ITGB8: variants seen among roughly 807,000 people sequenced by gnomAD.
ITGB8 encodes integrin subunit beta 8.
Under a neutral mutation model 89.5 loss-of-function variants are expected in ITGB8, and 30 were observed. The observed-to-expected ratio is 0.34, with a 90% CI of 0.25 to 0.45. ITGB8 has a LOEUF of 0.45. Among genes scored for constraint, ITGB8 ranks in the 20% least tolerant of loss-of-function variants. The pLI is 1.00. For synonymous variants in ITGB8, 335 were observed against 320.4 expected (o/e 1.05, Z -0.49); for missense variants, 836 against 933.3 (o/e 0.90, Z 1.36).
At chr7:20,356,734 A>G (rs1397868961) in intron 1 of ITGB8, among the ~76,000 whole-genome samples, 1 of 152,188 alleles carries the variant, frequency 6.6e-6, no homozygotes, top group African/African-American at 2.4e-5. Context: ...CCAGATAACC[A>G]TGAACATCCT....
intron 1 of ITGB8, among the ~76,000 whole-genome samples, chr7:20,353,881 G>A (rs1282252424): frequency 1.1e-4 from 13 of 116,858 alleles, no homozygotes; most frequent in Non-Finnish European, 1.7e-4. Flanking sequence ...GCAGTGAGCC[G>A]AGATCGCGCC....
At chr7:20,366,489 G>T (rs1262130173) in intron 2 of ITGB8, 1 of 152,404 alleles carries the variant, frequency 6.6e-6, no homozygotes, top group Non-Finnish European at 1.5e-5. Flanking sequence ...ACCAGGTCAG[G>T]CGCAGTGGCT....
intron 1 of ITGB8, among the ~76,000 whole-genome samples, chr7:20,340,192 A>C (rs912213386): frequency 2.6e-5 from 4 of 152,198 alleles, no homozygotes; most frequent in African/African-American, 9.6e-5. Context: ...CTTTGTTGTA[A>C]TCAAATAATA....
chr7:20,388,453 G>A (rs977985530), intron 6 of ITGB8, among the ~76,000 whole-genome samples: 9 of 152,038 alleles, frequency 5.9e-5, no homozygotes, highest in African/African-American at 2.2e-4. Context: ...AAGGGGAAGG[G>A]GCTTAGGCAA....
At chr7:20,407,801 A>G (rs776864269) in intron 12 of ITGB8, among the ~76,000 whole-genome samples, 9 of 152,366 alleles carry the variant, frequency 5.9e-5, no homozygotes, top group Non-Finnish European at 8.8e-5. Context: ...CTCCTTAGGA[A>G]AAGCCCCGGC....
chr7:20,415,468 T>C lies in ITGB8; in HGVS notation c.*5471T>C, dbSNP rs1009159263. 1 of 152,472 alleles carries C rather than the reference T, an allele frequency of 6.6e-6. No individual in the cohort carries two copies. The highest frequency in any genetic ancestry group is 1.5e-5 in the Non-Finnish European group (1 of 67,936). The allele number at this position is 152,472 out of a possible 1,614,324, so 9.4% of individuals were successfully genotyped here. A position where few individuals can be genotyped will look rare whatever the true frequency, so the allele number is the denominator to read the frequency against. ...ACATATTTCTTATTATTTCTGGCTT[T>C]GAATTATACGTAACTTAAATTGTCT... On this transcript the variant is annotated 3_prime_UTR_variant, in exon 14 of 14. Transcript: ENST00000222573.
At chr7:20,349,200 T>C (rs1785030688) in intron 1 of ITGB8, among the ~76,000 whole-genome samples, 1 of 152,080 alleles carries the variant, frequency 6.6e-6, no homozygotes, top group South Asian at 2.1e-4. Context: ...AAGTGAATTT[T>C]AGAAAAGACA....
In ITGB8 at chr7:20,411,008, A is replaced by AT. The variant is rs1787740837; in HGVS notation, c.*1017dup. ...ATTTTGATTGCAAGTAGATATCAGCATTTTTTAAATGAAAAGCTATATTAT... is the reference window on the plus strand; with the variant it reads ...ATTTTGATTGCAAGTAGATATCAGCATTTTTTTAAATGAAAAGCTATATTAT... On this transcript the variant is annotated 3_prime_UTR_variant, in exon 14 of 14. Transcript: ENST00000222573. The AT allele has an allele frequency of 6.6e-6, 1 of 152,212 alleles. No homozygotes were observed. The highest frequency in any genetic ancestry group is 2.4e-5 in the African/African-American group (1 of 41,438). 9.4% of individuals were successfully genotyped at this position (152,212 alleles called of 1,614,324 possible). A position where few individuals can be genotyped will look rare whatever the true frequency, so the allele number is the denominator to read the frequency against.
At chr7:20,336,000 CTTTTTTTTT>C (rs201113693) in intron 1 of ITGB8, among the ~76,000 whole-genome samples, 2 of 96,390 alleles carry the variant, frequency 2.1e-5, no homozygotes, top group East Asian at 2.5e-4. Context: ...TCTTGGTTTT[CTTTTTTTTT>C]TTTTTTTTTT....
chr7:20,346,927 G>A (rs920762493), intron 1 of ITGB8: 1 of 844,446 alleles, frequency 1.2e-6, no homozygotes, highest in Non-Finnish European at 1.4e-6. Context: ...AAATTCATGT[G>A]TTGAAATCTA....
chr7:20,400,978 T>A (rs1455295774), intron 9 of ITGB8, among the ~76,000 whole-genome samples: 1 of 152,024 alleles, frequency 6.6e-6, no homozygotes, highest in Non-Finnish European at 1.5e-5. Flanking sequence ...GATTTTTATT[T>A]ATTTATTTAT....
At chr7:20,344,603 G>A (rs1371426298) in intron 1 of ITGB8, among the ~76,000 whole-genome samples, 1 of 152,234 alleles carries the variant, frequency 6.6e-6, no homozygotes, top group East Asian at 1.9e-4. Flanking sequence ...GGGACAACCT[G>A]TAGGAAACAA....
intron 1 of ITGB8, among the ~76,000 whole-genome samples, chr7:20,361,910 G>C (rs1389123987): frequency 1.3e-5 from 2 of 151,972 alleles, no homozygotes; most frequent in Non-Finnish European, 2.9e-5. Flanking sequence ...AGAAAGATTT[G>C]TGAAGTGAAG....
chr7:20,404,550 T>C (rs925986452), intron 10 of ITGB8, 78 bp from the exon 11 acceptor site: 20 of 1,201,732 alleles, frequency 1.7e-5, no homozygotes, highest in Non-Finnish European at 2.3e-5. Flanking sequence ...ATGGAGATGA[T>C]ACAGGAATCC....
chr7:20,381,286 C>G (rs1174752163), intron 5 of ITGB8: 1 of 155,996 alleles, frequency 6.4e-6, no homozygotes, highest in East Asian at 1.9e-4. Context: ...CCTCAGCCTC[C>G]CGAGCAGCTG....
rs2127962661 is a variant in ITGB8 at position 20,381,846 on chromosome 7, T to C, written c.921T>C (p.Cys307=). 6.2e-7 allele frequency: 1 copy of C among 1,613,600 alleles called. No homozygotes were observed. The highest frequency in any genetic ancestry group is 8.5e-7 in the Non-Finnish European group (1 of 1,179,782). ...AGIVVPNDGN[C]HLKNNVYVKS... ...TAGTGGTGCCCAATGACGGAAACTG[T>C]CATCTGAAAAACAACGTCTATGTCA... The change falls in exon 6 of 14, where the codon TGT becomes TGC. Residue 307 remains cysteine (C), a synonymous_variant. Transcript: ENST00000222573.
intron 6 of ITGB8, 72 bp downstream of exon 6, chr7:20,381,957 C>G: frequency 1.5e-6 from 2 of 1,302,244 alleles, no homozygotes; most frequent in Admixed American, 4.2e-5. Flanking sequence ...GGCAACTCAA[C>G]TATTTTTGTA....
intron 1 of ITGB8, among the ~76,000 whole-genome samples, chr7:20,341,259 C>A (rs1318377044): frequency 1.3e-5 from 2 of 151,972 alleles, no homozygotes; most frequent in African/African-American, 2.4e-5. Flanking sequence ...ATAAAATGCT[C>A]TAGAAATGAC....
chr7:20,333,937 A>G (rs1401184315), intron 1 of ITGB8, among the ~76,000 whole-genome samples: 1 of 152,224 alleles, frequency 6.6e-6, no homozygotes, highest in African/African-American at 2.4e-5. Context: ...TTAGATGCTT[A>G]AAGCAGAATA....
Sources: allele counts gnomAD v4.1 joint callset (sites outside exome capture counted in the v4.1 genomes callset), GRCh38; gene constraint gnomAD v4.1.1; transcripts MANE v1.5; gene names NCBI Gene and HGNC (gene_info 2026-07-23, HGNC 2026-07-21).